LRRC7: variants seen among roughly 807,000 people sequenced by gnomAD.
LRRC7 encodes the protein leucine-rich repeat-containing protein 7.
Under a neutral mutation model 175.7 loss-of-function variants are expected in LRRC7, and 23 were observed. The observed-to-expected ratio is 0.13, with a 90% CI of 0.09 to 0.19. The LOEUF (loss-of-function observed/expected upper bound fraction) is 0.19. Ranked by LOEUF, LRRC7 falls within the 10% of genes least tolerant of loss-of-function variation. The probability of loss-of-function intolerance (pLI) is 1.00; values close to 1 mark genes in which losing one functional copy is unlikely to be tolerated. For synonymous variants in LRRC7, 685 were observed against 680.9 expected (o/e 1.01, Z -0.09); for missense variants, 1,354 against 1,904.7 (o/e 0.71, Z 5.38).
At chr1:70,051,486 G>C (rs1660738414) in intron 22 of LRRC7, among the ~76,000 whole-genome samples, 1 of 151,832 alleles carries the variant, frequency 6.6e-6, no homozygotes, top group Admixed American at 6.6e-5. Flanking sequence ...TATTAATCTG[G>C]AAAAGGTAAA....
intron 1 of LRRC7, among the ~76,000 whole-genome samples, chr1:69,582,856 T>C (rs558345898): frequency 2.6e-5 from 4 of 152,296 alleles, no homozygotes; most frequent in African/African-American, 7.2e-5. Flanking sequence ...GTTGTACTTA[T>C]GAATATGTTT....
At chr1:70,048,314 A>G (rs1660491483) in intron 22 of LRRC7, among the ~76,000 whole-genome samples, 1 of 152,098 alleles carries the variant, frequency 6.6e-6, no homozygotes, top group African/African-American at 2.4e-5. Context: ...TGCAACTCAT[A>G]AAACCCTCAA....
intron 5 of LRRC7, among the ~76,000 whole-genome samples, chr1:69,833,814 A>G (rs1297711349): frequency 6.6e-6 from 1 of 152,050 alleles, no homozygotes; most frequent in African/African-American, 2.4e-5. Flanking sequence ...GAATTGAGGT[A>G]GATGCCAGAA....
In LRRC7 at chr1:70,126,322, A is replaced by G. The variant is rs1171527157; in HGVS notation, c.*4435A>G. 6.6e-6 allele frequency among the ~76,000 whole-genome samples: 1 copy of G among 152,072 alleles called. No homozygotes were observed. The highest frequency in any genetic ancestry group is 1.5e-5 in the Non-Finnish European group (1 of 68,016). ...AAAGTTATGCAAATAATGAAATCCA[A>G]TAGGTTAAGAAGATGGGTCCTTTAT... On this transcript the variant is annotated 3_prime_UTR_variant, in exon 27 of 27. Coordinates refer to ENST00000651989, the MANE Select transcript of LRRC7 (RefSeq NM_001370785.2).
At chr1:70,067,470 A>G (rs1273784739) in intron 23 of LRRC7, among the ~76,000 whole-genome samples, 1 of 152,024 alleles carries the variant, frequency 6.6e-6, no homozygotes, top group Non-Finnish European at 1.5e-5. Flanking sequence ...TCTCTGCTCT[A>G]TTTCATTAGT....
chr1:69,956,846 T>G (rs1650544530), intron 8 of LRRC7, among the ~76,000 whole-genome samples: 1 of 151,570 alleles, frequency 6.6e-6, no homozygotes, highest in East Asian at 1.9e-4. Context: ...GTTTAAAAAT[T>G]TTGCATTTTT....
chr1:69,925,298 G>A (rs1333171177), intron 7 of LRRC7, among the ~76,000 whole-genome samples: 3 of 152,140 alleles, frequency 2.0e-5, no homozygotes, highest in Non-Finnish European at 4.4e-5. Flanking sequence ...TTGGTATCAG[G>A]ATGATGCTGA....
intron 2 of LRRC7, among the ~76,000 whole-genome samples, chr1:69,757,057 C>T (rs1292239449): frequency 1.3e-5 from 2 of 151,726 alleles, no homozygotes; most frequent in Non-Finnish European, 2.9e-5. Context: ...GTTGAAAGTC[C>T]GTAATCTAGA....
intron 20 of LRRC7, 97 bp from the exon 21 acceptor site, chr1:70,038,016 A>G: frequency 7.0e-7 from 1 of 1,438,170 alleles, no homozygotes; most frequent in South Asian, 1.4e-5. Flanking sequence ...TTGATCAGTT[A>G]AACAAAGGAT....
chr1:69,919,864 T>G, intron 7 of LRRC7: 1 of 667,448 alleles, frequency 1.5e-6, no homozygotes. Context: ...AGGCCTGGCC[T>G]CGGGGTTCCC....
At position 69,977,336 on chromosome 1, in the gene LRRC7, C is replaced by T. The variant is rs538895837; in HGVS notation, c.712-3043C>T. ...CATTAAAAATATTTTAATTATGCTC[C>T]GTCACTTATGCAACAAAGTCTATCT... On this transcript the variant is annotated intron_variant, in intron 8 of 26. Transcript: ENST00000651989. Among the ~76,000 whole-genome samples the T allele has an allele frequency of 4.9e-4, 74 of 152,038 alleles. 2 individuals carry two copies. Among genetic ancestry groups the T allele is most frequent in the Middle Eastern group, 3.4e-3 (1 of 294 alleles).
intron 23 of LRRC7, among the ~76,000 whole-genome samples, chr1:70,063,293 C>G (rs141002442): frequency 7.9e-5 from 12 of 152,198 alleles, no homozygotes; most frequent in African/African-American, 2.9e-4. Flanking sequence ...AAACAAATGA[C>G]TGTTCTTCAG....
At chr1:69,775,860 T>G (rs1301486004) in intron 3 of LRRC7, among the ~76,000 whole-genome samples, 1 of 152,146 alleles carries the variant, frequency 6.6e-6, no homozygotes, top group Non-Finnish European at 1.5e-5. Context: ...TGGACTAGAC[T>G]TCAGAGAAAA....
At chr1:69,715,563 T>A (rs1665244079) in intron 2 of LRRC7, among the ~76,000 whole-genome samples, 1 of 152,034 alleles carries the variant, frequency 6.6e-6, no homozygotes, top group South Asian at 2.1e-4. Context: ...TTAGTTATAA[T>A]GTACTGAATA....
At chr1:70,065,561 G>A (rs1661910313) in intron 23 of LRRC7, among the ~76,000 whole-genome samples, 1 of 151,930 alleles carries the variant, frequency 6.6e-6, no homozygotes, top group African/African-American at 2.4e-5. Context: ...TTGTTAATGA[G>A]ACCAAAGTCA....
intron 2 of LRRC7, among the ~76,000 whole-genome samples, chr1:69,682,454 T>C (rs548283866): frequency 1.3e-5 from 2 of 152,276 alleles, no homozygotes; most frequent in African/African-American, 4.8e-5. Flanking sequence ...CCATCAAGCA[T>C]TGTTTTCAAT....
intron 7 of LRRC7, among the ~76,000 whole-genome samples, chr1:69,921,889 TTTC>T (rs1646898769): frequency 6.6e-6 from 1 of 152,108 alleles, no homozygotes; most frequent in East Asian, 1.9e-4. Context: ...TCCTACCATT[TTTC>T]TTATTTCTTA....
chr1:70,086,173 G>A (rs938398020), intron 24 of LRRC7, among the ~76,000 whole-genome samples: 1 of 151,832 alleles, frequency 6.6e-6, no homozygotes, highest in African/African-American at 2.4e-5. Context: ...ACCCAGGCTG[G>A]AATGCAGTGG....
chr1:69,704,824 A>G (rs1663821488), intron 2 of LRRC7, among the ~76,000 whole-genome samples: 1 of 152,088 alleles, frequency 6.6e-6, no homozygotes, highest in Non-Finnish European at 1.5e-5. Flanking sequence ...ATGTATAAAT[A>G]TAGTAAATTT....
Sources: gnomAD v4.1 joint callset for allele counts (sites outside exome capture counted in the v4.1 genomes callset) on GRCh38, gnomAD v4.1.1 for gene constraint, MANE v1.5 for transcripts, NCBI Gene and HGNC (gene_info 2026-07-23, HGNC 2026-07-21) for gene names.